Variants in SLC4A4 observed in about 807,000 individuals in gnomAD.
SLC4A4 encodes solute carrier family 4 member 4.
In SLC4A4, 27 loss-of-function variants were observed where a neutral mutation model predicts 111.5. The observed-to-expected ratio is 0.24, with a 90% CI of 0.18 to 0.33. SLC4A4 has a LOEUF of 0.33. Among genes scored for constraint, SLC4A4 ranks in the 10% least tolerant of loss-of-function variants. The probability of loss-of-function intolerance (pLI) is 1.00; values close to 1 mark genes in which losing one functional copy is unlikely to be tolerated. For synonymous variants in SLC4A4, 443 were observed against 463.4 expected (o/e 0.96, Z 0.57); for missense variants, 909 against 1,315.5 (o/e 0.69, Z 4.78).
At chr4:71,527,587 G>T (rs1487332890) in intron 16 of SLC4A4, among the ~76,000 whole-genome samples, 1 of 151,890 alleles carries the variant, frequency 6.6e-6, no homozygotes, top group Admixed American at 6.6e-5. Context: ...TTTTAGTCAA[G>T]CAGGTCTGTC....
At position 71,219,110 on chromosome 4, in the gene SLC4A4, G is replaced by A. The variant is rs370100699; in HGVS notation, c.-1-17466G>A. Among the ~76,000 whole-genome samples the A allele has an allele frequency of 1.2e-4, 19 of 152,264 alleles. 1 individual carries two copies. In the South Asian group the frequency reaches 2.9e-3, roughly 23 times the overall value. On this transcript the variant is annotated intron_variant, in intron 1 of 25. Transcript: ENST00000264485. ...GTTCAAGTGAAAGGAAGAGTAGCACGTCTCTCACTTTAAGTTAAAAGCTAG... is the reference window on the plus strand; with the variant it reads ...GTTCAAGTGAAAGGAAGAGTAGCACATCTCTCACTTTAAGTTAAAAGCTAG...
chr4:71,282,227 T>G (rs1031420), intron 3 of SLC4A4, among the ~76,000 whole-genome samples: 60,497 of 151,794 alleles, frequency 0.4, 15,092 homozygotes, highest in African/African-American at 0.66. Flanking sequence ...CATTTGGCCA[T>G]TGCAGTATAG....
chr4:71,111,524 GTTTTTTTTTTTTTT>G (rs150777420), intron 2 of SLC4A4, among the ~76,000 whole-genome samples: 3 of 60,818 alleles, frequency 4.9e-5, no homozygotes, highest in Admixed American at 2.8e-4. Context: ...CCACGCTCAG[GTTTTTTTTTTTTTT>G]TTTTTTTTTT....
At chr4:71,072,308 C>A (rs999758483) in intron 1 of SLC4A4, among the ~76,000 whole-genome samples, 3 of 152,058 alleles carry the variant, frequency 2.0e-5, no homozygotes, top group Non-Finnish European at 4.4e-5. Flanking sequence ...TTGTTGTTCC[C>A]AAACCATATA....
At chr4:71,311,088 A>G (rs1299494463) in intron 3 of SLC4A4, among the ~76,000 whole-genome samples, 1 of 152,250 alleles carries the variant, frequency 6.6e-6, no homozygotes, top group African/African-American at 2.4e-5. Context: ...AGATCAAAAA[A>G]GACAAAGAAG....
intron 14 of SLC4A4, 151 bp downstream of exon 14, chr4:71,473,121 C>A: frequency 1.2e-6 from 1 of 860,280 alleles, no homozygotes; most frequent in Non-Finnish European, 1.9e-6. Context: ...TTTGATGTCT[C>A]ATTGCCTGAG....
chr4:71,357,198 G>A lies in SLC4A4; in HGVS notation c.730+11G>A. ...CCAACCCTGATAATGGTAATGCAGA[G>A]GCCAGCTGGCTGCTGCTTTCTCTTA... On this transcript the variant is annotated intron_variant, in intron 6 of 25. Transcript: ENST00000264485. 1 of 1,611,894 alleles carries A rather than the reference G, an allele frequency of 6.2e-7. No homozygotes were observed. The highest frequency in any genetic ancestry group is 2.2e-5 in the East Asian group (1 of 44,872).
intron 2 of SLC4A4, among the ~76,000 whole-genome samples, chr4:71,132,168 A>G (rs1165966810): frequency 6.6e-6 from 1 of 152,206 alleles, no homozygotes; most frequent in African/African-American, 2.4e-5. Context: ...GATTGCTTTA[A>G]AAATCACTAG....
chr4:71,271,980 G>A (rs542702363), intron 3 of SLC4A4, among the ~76,000 whole-genome samples: 4 of 152,190 alleles, frequency 2.6e-5, no homozygotes, highest in Admixed American at 6.5e-5. Context: ...TCAAGGTCAC[G>A]TAGCTAGTAA....
chr4:71,469,969 A>C (rs1727714609), intron 13 of SLC4A4, among the ~76,000 whole-genome samples: 1 of 152,178 alleles, frequency 6.6e-6, no homozygotes, highest in South Asian at 2.1e-4. Flanking sequence ...TCCTGTAAAC[A>C]TTAAATCTAT....
chr4:71,160,993 A>T (rs1560751754), intron 2 of SLC4A4, among the ~76,000 whole-genome samples: 7 of 152,234 alleles, frequency 4.6e-5, no homozygotes, highest in Admixed American at 4.6e-4. Flanking sequence ...GATGAAAAAC[A>T]TTGCAAATAA....
At chr4:71,317,167 A>C (rs1467070210) in intron 3 of SLC4A4, among the ~76,000 whole-genome samples, 1 of 152,016 alleles carries the variant, frequency 6.6e-6, no homozygotes, top group African/African-American at 2.4e-5. Flanking sequence ...AAGCTTAGGC[A>C]CATGCAACTC....
At chr4:71,564,486 G>A (rs1737288440) in intron 24 of SLC4A4, among the ~76,000 whole-genome samples, 1 of 151,760 alleles carries the variant, frequency 6.6e-6, no homozygotes, top group Admixed American at 6.6e-5. Context: ...ATCTTTCTAG[G>A]GTGATAGCCT....
intron 2 of SLC4A4, among the ~76,000 whole-genome samples, chr4:71,154,747 G>A (rs548312966): frequency 6.6e-6 from 1 of 152,142 alleles, no homozygotes; most frequent in Admixed American, 6.5e-5. Context: ...ACATTTAATA[G>A]ATTAAGAAGA....
intron 17 of SLC4A4, among the ~76,000 whole-genome samples, chr4:71,533,268 C>A (rs1734101716): frequency 6.6e-6 from 1 of 152,102 alleles, no homozygotes; most frequent in Non-Finnish European, 1.5e-5. Flanking sequence ...AATATTGAGT[C>A]AGGCTCTAAG....
intron 3 of SLC4A4, among the ~76,000 whole-genome samples, chr4:71,337,837 T>C (rs1728556985): frequency 6.6e-6 from 1 of 151,740 alleles, no homozygotes; most frequent in Non-Finnish European, 1.5e-5. Flanking sequence ...ATTAATTAAT[T>C]AATTAATTTA....
intron 24 of SLC4A4, 133 bp from the exon 25 acceptor site, chr4:71,566,871 G>C: frequency 4.7e-6 from 3 of 642,388 alleles, no homozygotes; most frequent in Non-Finnish European, 8.1e-6. Flanking sequence ...TTAATACCTT[G>C]TTTATTGAAA....
intron 2 of SLC4A4, among the ~76,000 whole-genome samples, chr4:71,140,598 A>G (rs1341589899): frequency 6.6e-6 from 1 of 151,992 alleles, no homozygotes; most frequent in African/African-American, 2.4e-5. Context: ...CTCTGCCCCA[A>G]CCCCACTCAC....
intron 2 of SLC4A4, among the ~76,000 whole-genome samples, chr4:71,145,479 A>T (rs1217397525): frequency 6.6e-6 from 1 of 152,094 alleles, no homozygotes; most frequent in Admixed American, 6.6e-5. Context: ...GTTAGGGAGG[A>T]TTCCCTCTTT....
Sources: gnomAD v4.1 joint callset for allele counts (sites outside exome capture counted in the v4.1 genomes callset) on GRCh38, gnomAD v4.1.1 for gene constraint, MANE v1.5 for transcripts, NCBI Gene and HGNC (gene_info 2026-07-23, HGNC 2026-07-21) for gene names.